Variants in RAP1GAP observed in about 807,000 individuals in gnomAD.
RAP1GAP encodes rap1 GTPase-activating protein 1.
Under a neutral mutation model 87.2 loss-of-function variants are expected in RAP1GAP, and 35 were observed. The ratio of observed to expected loss-of-function variants is 0.40; its 90% CI spans 0.31 to 0.53. The LOEUF (loss-of-function observed/expected upper bound fraction) is 0.53. Among genes scored for constraint, RAP1GAP ranks in the 20% least tolerant of loss-of-function variants. The pLI, the probability that RAP1GAP is intolerant of heterozygous loss-of-function variation, is 0.48. For missense variants in RAP1GAP, 734 were observed against 898.9 expected, an observed-to-expected ratio of 0.82 and a Z score of 2.35; for synonymous variants, 375 against 363.9, an observed-to-expected ratio of 1.03 and a Z score of -0.35.
At chr1:21,619,901 A>T in intron 4 of RAP1GAP, 114 bp downstream of exon 4, 1 of 1,116,674 alleles carries the variant, frequency 9.0e-7, no homozygotes, top group African/African-American at 1.6e-5. Flanking sequence ...ACCATCTTCT[A>T]CTGGCGTGGC....
chr1:21,641,529 C>T (rs1270784627), intron 2 of RAP1GAP, among the ~76,000 whole-genome samples: 1 of 152,220 alleles, frequency 6.6e-6, no homozygotes, highest in African/African-American at 2.4e-5. Flanking sequence ...CTGTCTCCTG[C>T]ACTGGAGGAT....
chr1:21,649,717 C>A, intron 2 of RAP1GAP, 44 bp downstream of exon 2: 2 of 1,540,776 alleles, frequency 1.3e-6, no homozygotes, highest in Non-Finnish European at 1.8e-6. Flanking sequence ...CTGCAGGGAC[C>A]AGCCAAGGAA....
chr1:21,602,758 G>A, intron 19 of RAP1GAP, 46 bp downstream of exon 19: 1 of 1,522,028 alleles, frequency 6.6e-7, no homozygotes, highest in Non-Finnish European at 8.9e-7. Flanking sequence ...ATGGGGCTCA[G>A]GGATGGGGAT....
At chr1:21,612,186 C>T in intron 10 of RAP1GAP, 77 bp from the exon 11 acceptor site, 1 of 1,150,066 alleles carries the variant, frequency 8.7e-7, no homozygotes, top group Middle Eastern at 2.2e-4. Flanking sequence ...GTGCCAAGCA[C>T]TGAGCCAGGC....
Position 21,603,180 on chromosome 1 carries a change from A to T in RAP1GAP, c.1429-267T>A, listed in dbSNP as rs893579820. The T allele has an allele frequency of 1.3e-5, 6 of 463,484 alleles. No homozygotes were observed. In the East Asian group the frequency reaches 1.8e-4, roughly 14 times the overall value. 28.7% of individuals were successfully genotyped at this position (463,484 alleles called of 1,614,324 possible). On this transcript the variant is annotated intron_variant, in intron 18 of 24. Coordinates refer to ENST00000374765, the MANE Select transcript of RAP1GAP (RefSeq NM_002885.4). The surrounding 1 kb of genome is among the most constrained non-coding windows in gnomAD (Gnocchi z 6.0). ...ATTAGGACAGCATCCTGAGGGGGCT[A>T]GGGTGGGAGGAGGCCGAGTCCTCAG...
chr1:21,599,473 T>G, intron 21 of RAP1GAP, 21 bp downstream of exon 21: 1 of 1,600,072 alleles, frequency 6.2e-7, no homozygotes, highest in Non-Finnish European at 8.5e-7. Context: ...GTGGGGCCCC[T>G]GACCCCCCTG....
intron 2 of RAP1GAP, among the ~76,000 whole-genome samples, chr1:21,627,887 G>A (rs955245688): frequency 1.3e-5 from 2 of 152,170 alleles, no homozygotes; most frequent in African/African-American, 4.8e-5. Flanking sequence ...GACAGATATG[G>A]TGGCAGTGGC....
intron 1 of RAP1GAP, chr1:21,651,782 C>G: frequency 7.0e-7 from 1 of 1,438,452 alleles, no homozygotes; most frequent in Non-Finnish European, 9.1e-7. Context: ...GCCCTACCCG[C>G]CGTAGGCCCC....
At chr1:21,642,875 TACACACACACACAC>T (rs61497285) in intron 2 of RAP1GAP, among the ~76,000 whole-genome samples, 1 of 134,222 alleles carries the variant, frequency 7.5e-6, no homozygotes, top group African/African-American at 2.9e-5. Context: ...CCTTCCCCAC[TACACACACACACAC>T]ACACACACAC....
In RAP1GAP at chr1:21,634,903, CTG is replaced by C. The variant is rs1447850088; in HGVS notation, c.-112-8508_-112-8507del. The C allele has an allele frequency of 5.4e-6, 1 of 185,890 alleles. No homozygotes were observed. The highest frequency in any genetic ancestry group is 1.2e-5 in the Non-Finnish European group (1 of 81,248). The allele number at this position is 185,890 out of a possible 1,614,324, so 11.5% of individuals were successfully genotyped here. ...ACTGGGGTAAGGAGGAGGAGTGACT[CTG>C]AGATGACCCGGCCGCAGGGCCTCTT... On this transcript the variant is annotated intron_variant, in intron 2 of 24. Coordinates refer to ENST00000374765, the MANE Select transcript of RAP1GAP (RefSeq NM_002885.4). The surrounding 1 kb of genome is among the most constrained non-coding windows in gnomAD (Gnocchi z 4.1).
chr1:21,610,306 T>C (rs2077411597), intron 13 of RAP1GAP, 31 bp from the exon 14 acceptor site: 2 of 1,611,054 alleles, frequency 1.2e-6, no homozygotes, highest in African/African-American at 2.7e-5. Flanking sequence ...CTTCGTGGTC[T>C]GGCCAGAGGG....
intron 18 of RAP1GAP, 61 bp from the exon 19 acceptor site, chr1:21,602,974 A>C (rs893609257): frequency 1.9e-5 from 24 of 1,269,626 alleles, no homozygotes; most frequent in Non-Finnish European, 2.7e-5. Flanking sequence ...CCCCCCCCAC[A>C]TCCCCTCTGG....
chr1:21,640,644 G>T (rs1158085480), intron 2 of RAP1GAP, among the ~76,000 whole-genome samples: 1 of 152,240 alleles, frequency 6.6e-6, no homozygotes, highest in Non-Finnish European at 1.5e-5. Flanking sequence ...GCTGGCTGGG[G>T]TGAGGGGAGA....
rs3817041 is a variant in RAP1GAP, at chr1:21,609,212, T to G, written c.1072-276A>C. On this transcript the variant is annotated intron_variant, in intron 15 of 24. Transcript: ENST00000374765. This position sits in a 1 kb window ranked among gnomAD's most constrained non-coding sequence, Gnocchi z 4.4. ...TTGGGGTCTCAACCTACTGCTTCAGTCTAGGGTAGCAGAACACGCTACGTA... is the reference window on the plus strand; with the variant it reads ...TTGGGGTCTCAACCTACTGCTTCAGGCTAGGGTAGCAGAACACGCTACGTA... Among the ~76,000 whole-genome samples, 39,348 of 151,906 alleles carry G rather than the reference T, an allele frequency of 0.26. 5,666 individuals are homozygous for G. The highest frequency in any genetic ancestry group is 0.52 in the East Asian group (2,656 of 5,154).
chr1:21,605,424 A>T (rs1168596985), intron 18 of RAP1GAP, among the ~76,000 whole-genome samples: 1 of 152,168 alleles, frequency 6.6e-6, no homozygotes, highest in Non-Finnish European at 1.5e-5. Context: ...AGGGCTTATC[A>T]CACACGATGT....
chr1:21,606,911 T>G (rs971171671), intron 17 of RAP1GAP, among the ~76,000 whole-genome samples: 1 of 152,234 alleles, frequency 6.6e-6, no homozygotes, highest in Non-Finnish European at 1.5e-5. Flanking sequence ...CTACCAGATG[T>G]GGGACCATCG....
At chr1:21,604,589 G>A (rs377411222) in intron 18 of RAP1GAP, among the ~76,000 whole-genome samples, 3 of 152,142 alleles carry the variant, frequency 2.0e-5, no homozygotes, top group East Asian at 1.9e-4. Flanking sequence ...CAGGAGGCTG[G>A]GTCACTCTGG....
intron 19 of RAP1GAP, among the ~76,000 whole-genome samples, chr1:21,602,181 C>T (rs570265323): frequency 6.6e-6 from 1 of 152,346 alleles, no homozygotes; most frequent in African/African-American, 2.4e-5. Context: ...GTCCTGGAGC[C>T]CTCTCAGGGG....
chr1:21,622,645 A>T lies in RAP1GAP; in HGVS notation c.-18-2595T>A, dbSNP rs1297718242. Reference sequence around the variant, plus strand: ...GGGGCGGGGCGGGGGCGCTGAAGCCACGCCCCCCGGGCGGCCCGGCCCGCG... The same window carrying T: ...GGGGCGGGGCGGGGGCGCTGAAGCCTCGCCCCCCGGGCGGCCCGGCCCGCG... On this transcript the variant is annotated intron_variant, in intron 3 of 24. Coordinates refer to ENST00000374765, the MANE Select transcript of RAP1GAP (RefSeq NM_002885.4). The surrounding 1 kb of genome is among the most constrained non-coding windows in gnomAD (Gnocchi z 5.7). 6.8e-6 allele frequency: 1 copy of T among 146,112 alleles called. No individual in the cohort carries two copies. Among genetic ancestry groups the T allele is most frequent in the East Asian group, 2.0e-4 (1 of 4,938 alleles). 9.1% of individuals were successfully genotyped at this position (146,112 alleles called of 1,614,324 possible).
Sources: gnomAD v4.1 joint callset for allele counts (sites outside exome capture counted in the v4.1 genomes callset) on GRCh38, gnomAD v4.1.1 for gene constraint, Gnocchi (gnomAD v3.1) non-coding constraint, MANE v1.5 for transcripts, NCBI Gene and HGNC (gene_info 2026-07-23, HGNC 2026-07-21) for gene names.